HERC1: variants seen among roughly 807,000 people sequenced by gnomAD.
HERC1 encodes HECT and RLD domain containing E3 ubiquitin protein ligase family member 1.
A neutral mutation model predicts 554.3 loss-of-function variants in HERC1; 160 were observed. The ratio of observed to expected loss-of-function variants is 0.29; its 90% confidence interval spans 0.25 to 0.33. The LOEUF (loss-of-function observed/expected upper bound fraction) is 0.33, where lower values mean the gene tolerates loss of function less well. HERC1 is among the 10% of genes least tolerant of loss of function. The pLI is 1.00. For missense variants in HERC1, 4,919 were observed against 5,918.5 expected (o/e 0.83, Z 5.54); for synonymous variants, 2,175 against 2,131.7 (o/e 1.02, Z -0.56).
chr15:63,694,803 C>G lies in HERC1; in HGVS notation c.5213G>C (p.Arg1738Thr), dbSNP rs376682180. ...GTGATGCTTGTTTGCTTGCAGGGCT[C>G]TTTCCAGGGTAGCAGACAACTGTTG... ...IYQQLSATLERALQANKHHIE... is the reference protein window; with the variant it reads ...IYQQLSATLETALQANKHHIE... Residue 1738 changes from arginine to threonine, a missense_variant, in exon 28 of 78, where the codon AGA becomes ACA. By Grantham distance (71) the Arg-to-Thr change is moderately conservative (BLOSUM62 -1). Around this residue, in one of 11 missense-constraint regions of HERC1, gnomAD observed 1,121 missense variants for 1,244.0 expected, o/e 0.90. Coordinates refer to ENST00000443617, the MANE Select transcript of HERC1 (RefSeq NM_003922.4). The surrounding 1 kb of genome is among the most constrained non-coding windows in gnomAD (Gnocchi z 4.3). The G allele has an allele frequency of 6.2e-7, 1 of 1,613,846 alleles. No individual in the cohort carries two copies. The highest frequency in any genetic ancestry group is 8.5e-7 in the Non-Finnish European group (1 of 1,179,874).
At chr15:63,673,376 C>G (rs1026658159) in intron 38 of HERC1, among the ~76,000 whole-genome samples, 4 of 152,100 alleles carry the variant, frequency 2.6e-5, no homozygotes, top group Non-Finnish European at 5.9e-5. Flanking sequence ...ACCTCTCTCT[C>G]TCTCTATTTA....
In HERC1 at chr15:63,712,318, A is replaced by G. The variant is rs537085830; in HGVS notation, c.4584+457T>C. 1.6e-4 allele frequency among the ~76,000 whole-genome samples: 24 copies of G among 152,352 alleles called. No homozygotes were observed. The South Asian group carries it at 2.9e-3, about 18-fold the overall frequency. The stretch of plus-strand genomic sequence containing the variant: ...GAGGAGAGGACATTGGAGACACACT[A>G]ACGGTAAAATTTTTAAGACTTAACT... On this transcript the variant is annotated intron_variant, in intron 24 of 77. Transcript: ENST00000443617.
In HERC1 at chr15:63,644,996, C is replaced by T; in HGVS notation, c.11180G>A (p.Cys3727Tyr). The T allele has an allele frequency of 6.2e-7, 1 of 1,603,280 alleles. No homozygotes were observed. The highest frequency in any genetic ancestry group is 8.5e-7 in the Non-Finnish European group (1 of 1,170,140). ...TCAAAAACACCAGAATGTTACCTGG[C>T]AATTTGATTCCTGCTCCCACCATCC... ...AEGWWEQESN[C>Y]QDGYRKSSGA... Residue 3727 changes from cysteine to tyrosine, a missense_variant, in exon 57 of 78, where the codon TGC becomes TAC. Transcript: ENST00000443617.
At chr15:63,790,057 G>A (rs1656240409) in intron 1 of HERC1, among the ~76,000 whole-genome samples, 1 of 152,176 alleles carries the variant, frequency 6.6e-6, no homozygotes, top group African/African-American at 2.4e-5. Context: ...GGGGCAAGTT[G>A]CTTAATTTCC....
chr15:63,637,402 T>TA, intron 64 of HERC1, 103 bp downstream of exon 64: 1 of 512,970 alleles, frequency 1.9e-6, no homozygotes, highest in Non-Finnish European at 3.3e-6. Flanking sequence ...GAAAACCTGA[T>TA]ATGATTTTAT....
Position 63,775,076 on chromosome 15 carries a change from C to T in HERC1, c.548G>A (p.Gly183Glu), listed in dbSNP as rs530372878. 6.2e-7 allele frequency: 1 copy of T among 1,614,014 alleles called. No homozygotes were observed. Among genetic ancestry groups the T allele is most frequent in the South Asian group, 1.1e-5 (1 of 91,084 alleles). The change falls in exon 2 of 78, where the codon GGA (glycine) becomes GAA (glutamate). Residue 183 changes from glycine to glutamate, a missense_variant. Transcript: ENST00000443617. This position sits in a 1 kb window ranked among gnomAD's most constrained non-coding sequence, Gnocchi z 4.0. ...ATCGTTGCAAAGACTGAGACCAGGTCCTGACACAGGCATCATCCAACTTTG... is the reference window on the plus strand; with the variant it reads ...ATCGTTGCAAAGACTGAGACCAGGTTCTGACACAGGCATCATCCAACTTTG... Reference protein sequence around the residue: ...LRQSWMMPVSGPGLSLCNDVI... With the variant: ...LRQSWMMPVSEPGLSLCNDVI...
chr15:63,768,362 A>G (rs2142720735), intron 2 of HERC1, among the ~76,000 whole-genome samples: 1 of 152,334 alleles, frequency 6.6e-6, no homozygotes, highest in Admixed American at 6.5e-5. Flanking sequence ...TGCCAGTGCT[A>G]TTGTCTGTGG....
At chr15:63,627,141 C>T (rs2068334426) in intron 70 of HERC1, among the ~76,000 whole-genome samples, 1 of 152,176 alleles carries the variant, frequency 6.6e-6, no homozygotes, top group African/African-American at 2.4e-5. Flanking sequence ...TCTGCTCATT[C>T]TAGATTCTGT....
Position 63,626,123 on chromosome 15 carries a change from A to G in HERC1, c.13137T>C (p.Pro4379=), listed in dbSNP as rs1340040942. Residue 4379 remains proline (P), a synonymous_variant, in exon 71 of 78, where the codon CCT becomes CCC. Transcript: ENST00000443617. ...CCCCATACTGGGGGGGCACTGTGTC[A>G]GGCAGGCCCAGCTGCAGAGGTACTG... ...GVSVPLQLGL[P]DTVPPQYGAL... 6.2e-7 allele frequency: 1 copy of G among 1,613,644 alleles called. No homozygotes were observed. Among genetic ancestry groups the G allele is most frequent in the South Asian group, 1.1e-5 (1 of 91,022 alleles).
intron 18 of HERC1, 147 bp downstream of exon 18, chr15:63,725,145 G>T: frequency 1.5e-6 from 1 of 678,154 alleles, no homozygotes. Flanking sequence ...TTTTTCTTAG[G>T]GCTCCAAGTC....
intron 77 of HERC1, among the ~76,000 whole-genome samples, chr15:63,611,924 C>T (rs1306183814): frequency 6.6e-6 from 1 of 152,242 alleles, no homozygotes; most frequent in African/African-American, 2.4e-5. Flanking sequence ...TTGGCTCACG[C>T]CTGTAATCCC....
intron 1 of HERC1, among the ~76,000 whole-genome samples, chr15:63,789,122 G>A (rs1287612703): frequency 3.9e-5 from 4 of 102,200 alleles, no homozygotes; most frequent in African/African-American, 8.0e-5. Flanking sequence ...ACGGAGTCTC[G>A]CTCTGTCGCC....
chr15:63,701,930 T>C (rs2072742548), intron 25 of HERC1, among the ~76,000 whole-genome samples: 1 of 152,186 alleles, frequency 6.6e-6, no homozygotes, highest in South Asian at 2.1e-4. Context: ...CAATTGAGAC[T>C]AAGCCCAATT....
At chr15:63,760,807 T>A (rs1202362619) in intron 3 of HERC1, among the ~76,000 whole-genome samples, 1 of 152,070 alleles carries the variant, frequency 6.6e-6, no homozygotes, top group Non-Finnish European at 1.5e-5. Flanking sequence ...TAAAAAAGAT[T>A]TGAAACTACA....
At chr15:63,757,343 T>C (rs1247990999) in intron 4 of HERC1, among the ~76,000 whole-genome samples, 1 of 146,212 alleles carries the variant, frequency 6.8e-6, no homozygotes, top group Non-Finnish European at 1.5e-5. Flanking sequence ...TGTTTCACTA[T>C]AACCTCCACT....
chr15:63,754,788 T>C, intron 6 of HERC1, 140 bp from the exon 7 acceptor site: 2 of 840,676 alleles, frequency 2.4e-6, no homozygotes, highest in Non-Finnish European at 3.6e-6. Context: ...AAAAACACAA[T>C]CATTTCTAAC....
chr15:63,684,354 T>A (rs1341033270), intron 34 of HERC1, among the ~76,000 whole-genome samples: 4 of 152,156 alleles, frequency 2.6e-5, no homozygotes, highest in Non-Finnish European at 5.9e-5. Flanking sequence ...ACTGGATAAA[T>A]GATTAGGACG....
chr15:63,695,453 T>C lies in HERC1; in HGVS notation c.5122-559A>G, dbSNP rs1420846787. 3.3e-5 allele frequency among the ~76,000 whole-genome samples: 5 copies of C among 150,134 alleles called. No homozygotes were observed. In the East Asian group the frequency reaches 9.9e-4, roughly 30 times the overall value. ...CAGGCTGGAGTGTAGTGGGGTGATC[T>C]TCGCTCACTGCAACCTCCACCTCCC... On this transcript the variant is annotated intron_variant, in intron 27 of 77. Coordinates refer to ENST00000443617, the MANE Select transcript of HERC1 (RefSeq NM_003922.4).
intron 1 of HERC1, among the ~76,000 whole-genome samples, chr15:63,796,004 T>G (rs1413120355): frequency 6.6e-6 from 1 of 152,258 alleles, no homozygotes; most frequent in Non-Finnish European, 1.5e-5. Flanking sequence ...GGCAAATATT[T>G]AGGCTAAATT....
Sources: gnomAD v4.1 joint callset for allele counts (sites outside exome capture counted in the v4.1 genomes callset) on GRCh38, gnomAD v4.1.1 for gene constraint, gnomAD v4.1.1 regional missense constraint, Gnocchi (gnomAD v3.1) non-coding constraint, MANE v1.5 for transcripts, NCBI Gene and HGNC (gene_info 2026-07-23, HGNC 2026-07-21) for gene names.